FXYD6: variants seen among roughly 807,000 people sequenced by gnomAD.
FXYD6 encodes the protein FXYD domain-containing ion transport regulator 6.
Under a neutral mutation model 16.7 loss-of-function variants are expected in FXYD6, and 7 were observed. That is an observed-to-expected ratio of 0.42 (90% confidence interval 0.24 to 0.79). FXYD6 has a LOEUF of 0.79. Ranked by LOEUF, FXYD6 falls within the 30% of genes least tolerant of loss-of-function variation. FXYD6 has a pLI of 0.28. For synonymous variants in FXYD6, 49 were observed against 43.0 expected (o/e 1.14, Z -0.54); for missense variants, 111 against 116.2 (o/e 0.95, Z 0.21).
chr11:117,855,193 T>G (rs929990286), intron 1 of FXYD6, among the ~76,000 whole-genome samples: 7 of 152,204 alleles, frequency 4.6e-5, no homozygotes, highest in Non-Finnish European at 8.8e-5. Flanking sequence ...TGCCTTTGTA[T>G]TCTAAAGAAA....
At chr11:117,867,158 T>C (rs1376336879) in intron 1 of FXYD6, among the ~76,000 whole-genome samples, 1 of 152,210 alleles carries the variant, frequency 6.6e-6, no homozygotes, top group Non-Finnish European at 1.5e-5. Flanking sequence ...AGGTGTAATT[T>C]TGGAAACAAT....
chr11:117,855,428 C>T (rs1565320746), intron 1 of FXYD6, among the ~76,000 whole-genome samples: 1 of 152,186 alleles, frequency 6.6e-6, no homozygotes, highest in Non-Finnish European at 1.5e-5. Flanking sequence ...TGGCCAAGTA[C>T]ATACACAGAA....
At chr11:117,866,859 G>GGCTGCAGA (rs1225790243) in intron 1 of FXYD6, among the ~76,000 whole-genome samples, 4 of 152,170 alleles carry the variant, frequency 2.6e-5, no homozygotes, top group Admixed American at 2.0e-4. Flanking sequence ...TTTCACCGTG[G>GGCTGCAGA]GCTGCAGAGC....
intron 1 of FXYD6, among the ~76,000 whole-genome samples, chr11:117,860,412 G>C (rs2056877947): frequency 6.6e-6 from 1 of 152,210 alleles, no homozygotes; most frequent in South Asian, 2.1e-4. Flanking sequence ...CCACAATGCA[G>C]GGGCTCCCGC....
intron 5 of FXYD6, among the ~76,000 whole-genome samples, chr11:117,840,938 C>G (rs1452270209): frequency 6.6e-6 from 1 of 152,126 alleles, no homozygotes; most frequent in African/African-American, 2.4e-5. Context: ...TCAGAAGAGA[C>G]AGGATGGGCT....
At chr11:117,844,945 GAT>G (rs1357390649) in intron 1 of FXYD6, among the ~76,000 whole-genome samples, 1 of 152,200 alleles carries the variant, frequency 6.6e-6, no homozygotes, top group African/African-American at 2.4e-5. Flanking sequence ...CACACTTCAA[GAT>G]ATGTTAAGAG....
Position 117,876,575 on chromosome 11 carries a change from C to G in FXYD6, c.-6+17G>C, listed in dbSNP as rs2057274395. 6.6e-6 allele frequency: 1 copy of G among 152,508 alleles called. No homozygotes were observed. The highest frequency in any genetic ancestry group is 1.5e-5 in the Non-Finnish European group (1 of 68,268). 9.4% of individuals were successfully genotyped at this position (152,508 alleles called of 1,614,324 possible). A position where few individuals can be genotyped will look rare whatever the true frequency, so the allele number is the denominator to read the frequency against. On this transcript the variant is annotated intron_variant, in intron 1 of 7. Transcript: ENST00000526014. ...CGGAAAAAGGAGCCAACTTTGCCCA[C>G]CTCCCCAGCCGCCTACCTGCACAGC... is the stretch of plus-strand genomic sequence containing the variant.
At position 117,871,757 on chromosome 11, in the gene FXYD6, A is replaced by C. The variant is rs537515980; in HGVS notation, c.-6+4835T>G. On this transcript the variant is annotated intron_variant, in intron 1 of 7. Transcript: ENST00000526014. The stretch of plus-strand genomic sequence containing the variant: ...CTAGGCAGCATGCTGAGCCCTTTAC[A>C]CAGCTCGCCTCATACTGTCCTCACA... Among the ~76,000 whole-genome samples the C allele has an allele frequency of 6.6e-5, 10 of 152,270 alleles. No individual in the cohort carries two copies. In the East Asian group the frequency reaches 1.9e-3, roughly 29 times the overall value.
intron 2 of FXYD6, 133 bp from the exon 3 acceptor site, chr11:117,842,161 T>C: frequency 1.4e-6 from 2 of 1,392,448 alleles, no homozygotes; most frequent in East Asian, 2.3e-5. Context: ...CAGAGATGCC[T>C]AGAGGTGCAC....
chr11:117,858,726 T>TC (rs1565323970), intron 1 of FXYD6, among the ~76,000 whole-genome samples: 19 of 46,820 alleles, frequency 4.1e-4, no homozygotes, highest in African/African-American at 1.6e-3. Context: ...CTTCCTTCCC[T>TC]TCCTTCCTTC....
At chr11:117,858,896 C>T (rs917540927) in intron 1 of FXYD6, among the ~76,000 whole-genome samples, 19 of 151,828 alleles carry the variant, frequency 1.3e-4, no homozygotes, top group Admixed American at 1.1e-3. Context: ...CTGCCTCAGC[C>T]TCCCGAGTAG....
At chr11:117,841,240 C>T in intron 4 of FXYD6, 56 bp from the exon 5 acceptor site, 1 of 1,613,116 alleles carries the variant, frequency 6.2e-7, no homozygotes, top group Middle Eastern at 1.7e-4. Context: ...ACAGCAGGGC[C>T]AAGGGTCTGT....
intron 7 of FXYD6, 137 bp from the exon 8 acceptor site, chr11:117,838,414 CA>C: frequency 1.5e-6 from 1 of 670,824 alleles, no homozygotes; most frequent in East Asian, 2.7e-5. Flanking sequence ...AGAAAGGAGA[CA>C]AAGACACAGG....
At chr11:117,851,981 C>T (rs1361842912) in intron 1 of FXYD6, among the ~76,000 whole-genome samples, 3 of 152,202 alleles carry the variant, frequency 2.0e-5, no homozygotes, top group Non-Finnish European at 4.4e-5. Context: ...GAATTTTCTC[C>T]CTTGCTGGCT....
At position 117,841,860 on chromosome 11, in the gene FXYD6, G is replaced by C; in HGVS notation, c.103C>G (p.Gln35Glu). 1 of 1,613,976 alleles carries C rather than the reference G, an allele frequency of 6.2e-7. No homozygotes were observed. Among genetic ancestry groups the C allele is most frequent in the African/African-American group, 1.3e-5 (1 of 74,964 alleles). Reference sequence around the variant, plus strand: ...ACCAGTCCCCCAATCCTCAGGGTCTGGTAATCTGCCAAAGGAACCAAGGGT... The same window carrying C: ...ACCAGTCCCCCAATCCTCAGGGTCTCGTAATCTGCCAAAGGAACCAAGGGT... ...KEMDPFHYDYQTLRIGGLVFA... is the reference protein window; with the variant it reads ...KEMDPFHYDYETLRIGGLVFA... The change falls in exon 4 of 8, where the codon CAG becomes GAG. Residue 35 changes from glutamine (Q) to glutamate (E), a missense_variant. By Grantham distance (29) the Gln-to-Glu change is conservative (BLOSUM62 2). Coordinates refer to ENST00000526014, the MANE Select transcript of FXYD6 (RefSeq NM_022003.4).
Position 117,870,309 on chromosome 11 carries a change from ACAGGCTGGGGCCCCAG to A in FXYD6, c.-6+6267_-6+6282del, listed in dbSNP as rs1168916080. Among the ~76,000 whole-genome samples the A allele has an allele frequency of 6.6e-6, 1 of 152,148 alleles. No homozygotes were observed. The highest frequency in any genetic ancestry group is 2.4e-5 in the African/African-American group (1 of 41,440). ...TGGTGAGTGGTATTGCACAGAAGCC[ACAGGCTGGGGCCCCAG>A]CAGGCTGCACGCCCCAGCAGGGCGT... On this transcript the variant is annotated intron_variant, in intron 1 of 7. Transcript: ENST00000526014. The surrounding 1 kb of genome is among the most constrained non-coding windows in gnomAD (Gnocchi z 4.2).
At chr11:117,850,419 C>T (rs2056581416) in intron 1 of FXYD6, among the ~76,000 whole-genome samples, 1 of 152,186 alleles carries the variant, frequency 6.6e-6, no homozygotes, top group South Asian at 2.1e-4. Context: ...TTCTATGTTA[C>T]TCTCTACCTT....
intron 6 of FXYD6, 187 bp from the exon 7 acceptor site, chr11:117,840,017 T>A (rs1338448505): frequency 8.3e-6 from 6 of 727,084 alleles, no homozygotes; most frequent in Non-Finnish European, 1.4e-5. Context: ...CCTGGTAACC[T>A]CTCTCAGTCC....
intron 1 of FXYD6, among the ~76,000 whole-genome samples, chr11:117,853,156 T>C (rs1437784602): frequency 6.6e-6 from 1 of 152,262 alleles, no homozygotes; most frequent in African/African-American, 2.4e-5. Context: ...CACAGTGACT[T>C]GTTTTTTCCT....
Sources: gnomAD v4.1 joint callset for allele counts (sites outside exome capture counted in the v4.1 genomes callset) on GRCh38, gnomAD v4.1.1 for gene constraint, Gnocchi (gnomAD v3.1) non-coding constraint, MANE v1.5 for transcripts, NCBI Gene and HGNC (gene_info 2026-07-23, HGNC 2026-07-21) for gene names.